The following LGALS12 variants were observed in gnomAD, a reference collection of about 807,000 sequenced individuals.
LGALS12 encodes the protein galectin-12.
Under a neutral mutation model 36.8 loss-of-function variants are expected in LGALS12, and 36 were observed. That is an observed-to-expected ratio of 0.98 (90% CI 0.75 to 1.29). The LOEUF is 1.29. Among genes scored for constraint, LGALS12 ranks in the 50% most tolerant of loss-of-function variants. The probability of loss-of-function intolerance (pLI) is 0.00; values close to 1 mark genes in which losing one functional copy is unlikely to be tolerated. For synonymous variants in LGALS12, 145 were observed against 155.9 expected (o/e 0.93, Z 0.52); for missense variants, 366 against 394.3 (o/e 0.93, Z 0.61).
chr11:63,506,324 C>T lies in LGALS12; in HGVS notation c.-135C>T. Reference sequence around the variant, plus strand: ...GGCTGCTCCAGACAGCATTAAAACGCTGCAGGTCGCAGGTGAGACTAACAG... The same window carrying T: ...GGCTGCTCCAGACAGCATTAAAACGTTGCAGGTCGCAGGTGAGACTAACAG... On this transcript the variant is annotated 5_prime_UTR_variant, in exon 1 of 9. Coordinates refer to ENST00000394618, the MANE Select transcript of LGALS12 (RefSeq NM_033101.4). The T allele has an allele frequency of 3.8e-6, 6 of 1,594,870 alleles. No individual in the cohort carries two copies. Among genetic ancestry groups the T allele is most frequent in the Non-Finnish European group, 5.1e-6 (6 of 1,167,586 alleles).
At chr11:63,509,115 C>A in intron 3 of LGALS12, 124 bp downstream of exon 3, 2 of 793,204 alleles carry the variant, frequency 2.5e-6, no homozygotes, top group Non-Finnish European at 4.1e-6. Context: ...CCAAGAGGAC[C>A]AAGGAGCTGC....
At chr11:63,509,639 A>C (rs1479597836) in intron 3 of LGALS12, 139 bp from the exon 4 acceptor site, 1 of 856,210 alleles carries the variant, frequency 1.2e-6, no homozygotes, top group East Asian at 2.6e-5. Context: ...AGGCTCTGTA[A>C]AATGTACCTA....
intron 1 of LGALS12, 68 bp from the exon 2 acceptor site, chr11:63,508,485 T>TTTC: frequency 6.3e-7 from 1 of 1,593,396 alleles, no homozygotes; most frequent in Non-Finnish European, 8.5e-7. Flanking sequence ...TTCCTCCCAC[T>TTTC]CGCCTGACAT....
At chr11:63,513,301 A>G (rs1302575404) in intron 7 of LGALS12, among the ~76,000 whole-genome samples, 2 of 152,218 alleles carry the variant, frequency 1.3e-5, no homozygotes, top group African/African-American at 4.8e-5. Flanking sequence ...CAAAGTCACA[A>G]GGTTACTAGT....
chr11:63,512,703 C>G (rs1198690605), intron 7 of LGALS12, among the ~76,000 whole-genome samples: 1 of 149,996 alleles, frequency 6.7e-6, no homozygotes, highest in African/African-American at 2.5e-5. Flanking sequence ...GCAGGAGAAT[C>G]GCTTATACCC....
rs751081126 is a variant in LGALS12, at chr11:63,516,360, T to C, written c.912T>C (p.Ser304=). The C allele has an allele frequency of 6.8e-6, 11 of 1,613,860 alleles. No homozygotes were observed. The Admixed American group carries it at 1.8e-4, about 27-fold the overall frequency. ...AGCAGCTGCGGGAGCTCCGGATCAG[T>C]GGAAGTGTCCAGCTCTACTGTGTCC... ...ALEQLRELRI[S]GSVQLYCVHS is the part of the protein sequence containing the mutation. Residue 304 remains serine, a synonymous_variant, in exon 9 of 9, where the codon AGT becomes AGC. Coordinates refer to ENST00000394618, the MANE Select transcript of LGALS12 (RefSeq NM_033101.4).
At chr11:63,508,693 T>C (rs991120924) in intron 2 of LGALS12, 52 bp downstream of exon 2, 4 of 1,613,404 alleles carry the variant, frequency 2.5e-6, no homozygotes, top group Non-Finnish European at 3.4e-6. Context: ...CCTAGAGGCA[T>C]CGAGCTGGAG....
At position 63,508,661 on chromosome 11, in the gene LGALS12, C is replaced by T; in HGVS notation, c.158+20C>T. ...ACACAGGTAAGGCGGGGGAGGTGGC[C>T]CAGGGGGTGCTGGAGCTCAGCCCTA... On this transcript the variant is annotated intron_variant, in intron 2 of 8. Coordinates refer to ENST00000394618, the MANE Select transcript of LGALS12 (RefSeq NM_033101.4). 1 of 1,613,800 alleles carries T rather than the reference C, an allele frequency of 6.2e-7. No individual in the cohort carries two copies. The highest frequency in any genetic ancestry group is 1.1e-5 in the South Asian group (1 of 91,070).
At position 63,511,826 on chromosome 11, in the gene LGALS12, G is replaced by A. The variant is rs763005238; in HGVS notation, c.633G>A (p.Leu211=). Residue 211 remains leucine (L), a synonymous_variant, in exon 7 of 9, where the codon TTG becomes TTA. Transcript: ENST00000394618. The part of the protein sequence containing the change: ...GQVIIVRGLV[L]QEPKHFTVSL... ...TCATCATAGTACGGGGACTGGTCTT[G>A]CAAGAGCCGAAGCAGTAAGTATCCA... is the stretch of plus-strand genomic sequence containing the variant. The A allele has an allele frequency of 4.3e-6, 7 of 1,612,616 alleles. No individual in the cohort carries two copies.
At chr11:63,510,016 A>G in intron 4 of LGALS12, 119 bp downstream of exon 4, 2 of 1,244,736 alleles carry the variant, frequency 1.6e-6, no homozygotes, top group Non-Finnish European at 2.2e-6. Flanking sequence ...CCTGTGCACC[A>G]GTAATAGCCA....
In LGALS12 at chr11:63,508,655, G is replaced by T. The variant is rs201103695; in HGVS notation, c.158+14G>T. On this transcript the variant is annotated intron_variant, in intron 2 of 8. Transcript: ENST00000394618. ...AGATGCACACAGGTAAGGCGGGGGA[G>T]GTGGCCCAGGGGGTGCTGGAGCTCA... 1,253 of 1,614,012 alleles carry T rather than the reference G, an allele frequency of 7.8e-4. 3 individuals are homozygous for T. The highest frequency in any genetic ancestry group is 4.9e-4 in the Non-Finnish European group (574 of 1,179,994).
intron 3 of LGALS12, among the ~76,000 whole-genome samples, 186 bp downstream of exon 3, chr11:63,509,177 C>T (rs559684435): frequency 1.3e-5 from 2 of 152,368 alleles, no homozygotes; most frequent in East Asian, 1.9e-4. Flanking sequence ...GAAAGCTCTA[C>T]AGTGCCTGGC....
rs144891327 is a variant in LGALS12, at chr11:63,515,357, T to C, written c.648-206T>C. Among the ~76,000 whole-genome samples the C allele has an allele frequency of 6.5e-3, 995 of 152,324 alleles. 4 individuals carry two copies. Among genetic ancestry groups the C allele is most frequent in the Middle Eastern group, 0.014 (4 of 294 alleles). On this transcript the variant is annotated intron_variant, in intron 7 of 8. Coordinates refer to ENST00000394618, the MANE Select transcript of LGALS12 (RefSeq NM_033101.4). ...CATAGATGGCAACCCTGGAGGTCAA[T>C]CTCAAGTTCATCTAGAACTCGTGTT...
At chr11:63,510,265 C>T (rs2016878298) in intron 4 of LGALS12, among the ~76,000 whole-genome samples, 198 bp from the exon 5 acceptor site, 1 of 152,178 alleles carries the variant, frequency 6.6e-6, no homozygotes, top group Non-Finnish European at 1.5e-5. Flanking sequence ...GGGCTTGCCA[C>T]CAGAGATTCT....
At chr11:63,510,599 C>A in intron 5 of LGALS12, 98 bp downstream of exon 5, 1 of 1,188,940 alleles carries the variant, frequency 8.4e-7, no homozygotes, top group Non-Finnish European at 1.2e-6. Context: ...CCCCTTCCCT[C>A]ACTGCTGCGG....
rs2016741376 is a variant in LGALS12 at position 63,506,321 on chromosome 11, A to C, written c.-138A>C. 1 of 1,590,208 alleles carries C rather than the reference A, an allele frequency of 6.3e-7. No individual in the cohort carries two copies. The highest frequency in any genetic ancestry group is 1.3e-5 in the African/African-American group (1 of 74,540). Reference sequence around the variant, plus strand: ...TAGGGCTGCTCCAGACAGCATTAAAACGCTGCAGGTCGCAGGTGAGACTAA... The same window carrying C: ...TAGGGCTGCTCCAGACAGCATTAAACCGCTGCAGGTCGCAGGTGAGACTAA... On this transcript the variant is annotated 5_prime_UTR_variant, in exon 1 of 9. Coordinates refer to ENST00000394618, the MANE Select transcript of LGALS12 (RefSeq NM_033101.4).
chr11:63,510,573 A>T, intron 5 of LGALS12, 72 bp downstream of exon 5: 1 of 1,446,906 alleles, frequency 6.9e-7, no homozygotes, highest in Non-Finnish European at 9.7e-7. Flanking sequence ...TGCTCCCATT[A>T]CACAAGGCCC....
At chr11:63,509,430 G>T (rs2016848090) in intron 3 of LGALS12, among the ~76,000 whole-genome samples, 1 of 152,208 alleles carries the variant, frequency 6.6e-6, no homozygotes, top group Non-Finnish European at 1.5e-5. Context: ...GGGATCTTCA[G>T]ACATCTCCAG....
At chr11:63,512,985 C>G (rs1397382966) in intron 7 of LGALS12, among the ~76,000 whole-genome samples, 1 of 152,092 alleles carries the variant, frequency 6.6e-6, no homozygotes, top group African/African-American at 2.4e-5. Flanking sequence ...TTTTAAGTCA[C>G]TGACCTCACT....
Sources: allele counts gnomAD v4.1 joint callset (sites outside exome capture counted in the v4.1 genomes callset), GRCh38; gene constraint gnomAD v4.1.1; transcripts MANE v1.5; gene names NCBI Gene and HGNC (gene_info 2026-07-23, HGNC 2026-07-21).